RBFOX1: variants seen among roughly 807,000 people sequenced by gnomAD.
The protein encoded by RBFOX1 is RNA binding protein fox-1 homolog 1.
A neutral mutation model predicts 57.7 loss-of-function variants in RBFOX1; 8 were observed. That is an observed-to-expected ratio of 0.14 (90% CI 0.08 to 0.25). RBFOX1 has a LOEUF of 0.25. RBFOX1 is among the 10% of genes least tolerant of loss of function. The pLI, the probability that RBFOX1 is intolerant of heterozygous loss-of-function variation, is 1.00. For synonymous variants in RBFOX1, 326 were observed against 222.4 expected (o/e 1.47, Z -4.15); for missense variants, 611 against 548.5 (o/e 1.11, Z -1.14).
At chr16:6,299,392 G>A (rs8059982) in intron 1 of RBFOX1, among the ~76,000 whole-genome samples, 3 of 152,122 alleles carry the variant, frequency 2.0e-5, no homozygotes, top group East Asian at 1.9e-4. Context: ...TAAAAATAGC[G>A]TTTTGAGATG....
intron 3 of RBFOX1, among the ~76,000 whole-genome samples, chr16:6,730,432 T>TATCC (rs1226930391): frequency 1.8e-5 from 2 of 112,796 alleles, no homozygotes; most frequent in Non-Finnish European, 3.8e-5. Flanking sequence ...CATCTATATC[T>TATCC]AATCTATCAA....
At chr16:5,790,847 T>C (rs1229362703) in intron 3 of RBFOX1, among the ~76,000 whole-genome samples, 1 of 150,196 alleles carries the variant, frequency 6.7e-6, no homozygotes, top group Non-Finnish European at 1.5e-5. Context: ...GGGATGTAGA[T>C]GGTGGGTCTT....
chr16:5,253,255 T>G (rs1191282713), intron 1 of RBFOX1, among the ~76,000 whole-genome samples: 3 of 152,144 alleles, frequency 2.0e-5, no homozygotes, highest in Non-Finnish European at 4.4e-5. Context: ...GTTCAAGCGA[T>G]TCTCCTGTCT....
intron 1 of RBFOX1, among the ~76,000 whole-genome samples, chr16:5,368,624 T>C (rs1481067043): frequency 1.3e-5 from 2 of 152,236 alleles, no homozygotes; most frequent in African/African-American, 4.8e-5. Context: ...CTTGCCGTTA[T>C]GCACATTTCT....
At chr16:7,523,582 C>A (rs907854534) in intron 5 of RBFOX1, among the ~76,000 whole-genome samples, 1 of 152,116 alleles carries the variant, frequency 6.6e-6, no homozygotes, top group Admixed American at 6.5e-5. Flanking sequence ...TCTTCTCCAG[C>A]AATGTTTGGA....
Position 6,871,625 on chromosome 16 carries a change from C to G in RBFOX1, c.-15-180432C>G, listed in dbSNP as rs369597584. Among the ~76,000 whole-genome samples, 5 of 152,266 alleles carry G rather than the reference C, an allele frequency of 3.3e-5. 1 individual carries two copies. The East Asian group carries it at 7.7e-4, about 24-fold the overall frequency. On this transcript the variant is annotated intron_variant, in intron 3 of 15. Transcript: ENST00000550418. Reference sequence around the variant, plus strand: ...TTCTATTCTCCTGGCCAAAGCCACTCTTCCCTCCTGCCTGGAGTGCTGTCA... The same window carrying G: ...TTCTATTCTCCTGGCCAAAGCCACTGTTCCCTCCTGCCTGGAGTGCTGTCA...
intron 10 of RBFOX1, among the ~76,000 whole-genome samples, chr16:7,611,809 T>C (rs1284560811): frequency 6.6e-6 from 1 of 152,166 alleles, no homozygotes; most frequent in Non-Finnish European, 1.5e-5. Context: ...GGATGGTTTT[T>C]CTTTTCTGAA....
intron 2 of RBFOX1, among the ~76,000 whole-genome samples, chr16:6,342,460 A>G (rs2084710915): frequency 6.6e-6 from 1 of 152,170 alleles, no homozygotes; most frequent in Non-Finnish European, 1.5e-5. Flanking sequence ...TAGCCCATGA[A>G]TGGCACATAA....
At chr16:6,644,659 C>G (rs1379264274) in intron 2 of RBFOX1, among the ~76,000 whole-genome samples, 3 of 152,172 alleles carry the variant, frequency 2.0e-5, no homozygotes, top group Non-Finnish European at 2.9e-5. Flanking sequence ...GCATCCTGGT[C>G]TTTTCTTTCC....
intron 3 of RBFOX1, among the ~76,000 whole-genome samples, chr16:6,713,380 C>T (rs2064111475): frequency 6.6e-6 from 1 of 152,074 alleles, no homozygotes; most frequent in African/African-American, 2.4e-5. Flanking sequence ...CATCTCTCAC[C>T]AAATTCTGTT....
At chr16:6,082,530 A>G (rs1246539916) in intron 1 of RBFOX1, among the ~76,000 whole-genome samples, 1 of 151,568 alleles carries the variant, frequency 6.6e-6, no homozygotes, top group Non-Finnish European at 1.5e-5. Flanking sequence ...GACAGCAAAG[A>G]TGCTTGTCTT....
chr16:5,273,733 T>C (rs1419267462), intron 1 of RBFOX1, among the ~76,000 whole-genome samples: 1 of 152,126 alleles, frequency 6.6e-6, no homozygotes, highest in African/African-American at 2.4e-5. Flanking sequence ...GGAATGATGC[T>C]GTGAGGAGGG....
intron 3 of RBFOX1, among the ~76,000 whole-genome samples, chr16:5,847,527 C>G (rs2151858229): frequency 6.6e-6 from 1 of 152,224 alleles, no homozygotes; most frequent in African/African-American, 2.4e-5. Context: ...AGGGTCTTAC[C>G]AAAGGCTGAG....
chr16:7,189,507 C>G (rs958454777), intron 4 of RBFOX1, among the ~76,000 whole-genome samples: 3 of 149,470 alleles, frequency 2.0e-5, no homozygotes, highest in Non-Finnish European at 4.4e-5. Context: ...GGTATTCTCT[C>G]CAGTTTAGAA....
At position 7,066,823 on chromosome 16, in the gene RBFOX1, G is replaced by A. The variant is rs535107793; in HGVS notation, c.27+14725G>A. Among the ~76,000 whole-genome samples the A allele has an allele frequency of 1.1e-4, 16 of 152,274 alleles. 1 individual carries two copies. The highest frequency in any genetic ancestry group is 3.9e-4 in the African/African-American group (16 of 41,546). On this transcript the variant is annotated intron_variant, in intron 4 of 15. Coordinates refer to ENST00000550418, the MANE Select transcript of RBFOX1 (RefSeq NM_018723.4). ...TGGTTCAATAAGAGGAGCACTTGATGTCAACTCTGTCTTCCCAGCCAGTGA... is the reference window on the plus strand; with the variant it reads ...TGGTTCAATAAGAGGAGCACTTGATATCAACTCTGTCTTCCCAGCCAGTGA...
At chr16:6,987,469 ACACAC>A (rs2090547661) in intron 3 of RBFOX1, among the ~76,000 whole-genome samples, 1 of 108,430 alleles carries the variant, frequency 9.2e-6, no homozygotes, top group Non-Finnish European at 1.7e-5. Context: ...ACACACACAC[ACACAC>A]ACACACACAC....
chr16:5,363,651 T>G (rs2151346671), intron 1 of RBFOX1, among the ~76,000 whole-genome samples: 1 of 152,316 alleles, frequency 6.6e-6, no homozygotes, highest in South Asian at 2.1e-4. Flanking sequence ...TAATGAATCA[T>G]GACCCTTCTT....
chr16:6,241,794 C>T (rs2097541416), intron 1 of RBFOX1, among the ~76,000 whole-genome samples: 1 of 152,198 alleles, frequency 6.6e-6, no homozygotes, highest in South Asian at 2.1e-4. Flanking sequence ...TAGTTTTTCA[C>T]AAACTCTCTT....
chr16:6,976,344 G>T (rs574932762), intron 3 of RBFOX1, among the ~76,000 whole-genome samples: 140 of 152,198 alleles, frequency 9.2e-4, no homozygotes, highest in African/African-American at 3.2e-3. Flanking sequence ...CTCTATCCTT[G>T]TTCTAGCATT....
Sources: allele counts gnomAD v4.1 joint callset (sites outside exome capture counted in the v4.1 genomes callset), GRCh38; gene constraint gnomAD v4.1.1; transcripts MANE v1.5; gene names NCBI Gene and HGNC (gene_info 2026-07-23, HGNC 2026-07-21).